PARP11: variants seen among roughly 807,000 people sequenced by gnomAD.
PARP11 encodes the protein poly(ADP-ribose) polymerase family member 11.
A neutral mutation model predicts 42.9 loss-of-function variants in PARP11; 31 were observed. The ratio of observed to expected loss-of-function variants is 0.72; its 90% CI spans 0.54 to 0.98. The LOEUF (loss-of-function observed/expected upper bound fraction) is 0.98. Ranked by LOEUF, PARP11 falls within the 50% of genes least tolerant of loss-of-function variation. PARP11 has a pLI of 0.00. For synonymous variants in PARP11, 137 were observed against 127.3 expected (o/e 1.08, Z -0.51); for missense variants, 365 against 413.1 (o/e 0.88, Z 1.01).
intron 1 of PARP11, among the ~76,000 whole-genome samples, chr12:3,857,718 G>A (rs1591535641): frequency 6.6e-6 from 1 of 151,850 alleles, no homozygotes. Flanking sequence ...TTGTACTAGC[G>A]GCTCATGCTT....
intron 1 of PARP11, chr12:3,863,689 A>T (rs187276473): frequency 3.9e-4 from 59 of 152,380 alleles, no homozygotes; most frequent in African/African-American, 1.4e-3. Context: ...TTCCCGGTGC[A>T]GTCACATGGG....
intron 1 of PARP11, among the ~76,000 whole-genome samples, chr12:3,853,614 G>C (rs1480671592): frequency 6.6e-6 from 1 of 152,164 alleles, no homozygotes; most frequent in Non-Finnish European, 1.5e-5. Flanking sequence ...ACCCAATATA[G>C]GAGCACCCAG....
intron 1 of PARP11, chr12:3,842,138 G>A (rs1205253634): frequency 6.2e-7 from 1 of 1,612,142 alleles, no homozygotes. Flanking sequence ...TTCAAAGTCT[G>A]AAAGAAAAAA....
intron 2 of PARP11, 67 bp from the exon 3 acceptor site, chr12:3,829,097 T>G (rs1456275282): frequency 6.4e-7 from 1 of 1,571,642 alleles, no homozygotes; most frequent in East Asian, 2.2e-5. Context: ...ACAGAGGTGG[T>G]ACTGTGGTCA....
intron 1 of PARP11, among the ~76,000 whole-genome samples, chr12:3,835,239 A>G (rs1341604564): frequency 6.6e-6 from 1 of 152,252 alleles, no homozygotes; most frequent in Admixed American, 6.5e-5. Context: ...ACCTGTGACC[A>G]GTACATAGTC....
In PARP11 at chr12:3,808,910, T is replaced by G. The variant is rs1487421539; in HGVS notation, c.*3213A>C. 7 of 152,210 alleles carry G rather than the reference T, an allele frequency of 4.6e-5. No homozygotes were observed. Among genetic ancestry groups the G allele is most frequent in the African/African-American group, 7.2e-5 (3 of 41,446 alleles). The allele number at this position is 152,210 out of a possible 1,614,324, so 9.4% of individuals were successfully genotyped here. A position where few individuals can be genotyped will look rare whatever the true frequency, so the allele number is the denominator to read the frequency against. The stretch of plus-strand genomic sequence containing the variant: ...ATCACATGTAAAAGCAATACATTCA[T>G]ATATCAAAATTGGCTCCAAATTCTT... On this transcript the variant is annotated 3_prime_UTR_variant, in exon 8 of 8. Coordinates refer to ENST00000228820, the MANE Select transcript of PARP11 (RefSeq NM_020367.6).
intron 1 of PARP11, among the ~76,000 whole-genome samples, chr12:3,846,640 C>T (rs1948004286): frequency 6.6e-6 from 1 of 151,780 alleles, no homozygotes; most frequent in African/African-American, 2.4e-5. Context: ...GCCTGTAGTC[C>T]CAGCTACTCG....
rs1216355404 is a variant in PARP11, at chr12:3,830,614, C to T, written c.19-596G>A. On this transcript the variant is annotated intron_variant, in intron 1 of 7. Coordinates refer to ENST00000228820, the MANE Select transcript of PARP11 (RefSeq NM_020367.6). ...TCTGGATGTATATATAACAATCTAC[C>T]ACCAGTTTTTCTAAGTGTCAGGATA... 2.0e-5 allele frequency among the ~76,000 whole-genome samples: 3 copies of T among 152,062 alleles called. No individual in the cohort carries two copies. In the East Asian group the frequency reaches 5.8e-4, roughly 29 times the overall value.
chr12:3,850,289 A>ATG (rs1948074125), intron 1 of PARP11, among the ~76,000 whole-genome samples: 1 of 152,210 alleles, frequency 6.6e-6, no homozygotes, highest in Non-Finnish European at 1.5e-5. Context: ...CATAATATAT[A>ATG]TAGCATAATT....
At chr12:3,848,661 A>G (rs145376500) in intron 1 of PARP11, among the ~76,000 whole-genome samples, 1,725 of 152,290 alleles carry the variant, frequency 0.011, 26 homozygotes, top group African/African-American at 0.039. Flanking sequence ...ATCAAATCAA[A>G]ATGAATTAAA....
At chr12:3,817,936 C>T (rs919366650) in intron 6 of PARP11, among the ~76,000 whole-genome samples, 1 of 152,106 alleles carries the variant, frequency 6.6e-6, no homozygotes, top group East Asian at 1.9e-4. Flanking sequence ...ATTCCACTGG[C>T]GATTCTGACC....
intron 1 of PARP11, among the ~76,000 whole-genome samples, chr12:3,838,800 A>ACC (rs1947818689): frequency 6.6e-6 from 1 of 151,250 alleles, no homozygotes; most frequent in Non-Finnish European, 1.5e-5. Flanking sequence ...TGGGGAAACG[A>ACC]AAGGCCGCGT....
intron 1 of PARP11, among the ~76,000 whole-genome samples, chr12:3,843,957 T>C (rs1291940854): frequency 2.6e-5 from 4 of 152,198 alleles, no homozygotes; most frequent in Non-Finnish European, 5.9e-5. Context: ...GGTGACTTTC[T>C]TTTTTTGTAA....
chr12:3,836,438 A>C (rs1947763769), intron 1 of PARP11, among the ~76,000 whole-genome samples: 1 of 152,216 alleles, frequency 6.6e-6, no homozygotes, highest in Admixed American at 6.5e-5. Flanking sequence ...AAACTGAGAG[A>C]ATTCACTGCT....
At position 3,814,159 on chromosome 12, in the gene PARP11, C is replaced by T. The variant is rs1441792761; in HGVS notation, c.578G>A (p.Gly193Asp). ...RKKAQLKKKR[G>D]VPQINEQMLF... ...CATTTGTTCATTAATCTGAGGCACACCTCTTTTTTTCTTGAGCTGAGCCTT... is the reference window on the plus strand; with the variant it reads ...CATTTGTTCATTAATCTGAGGCACATCTCTTTTTTTCTTGAGCTGAGCCTT... The change falls in exon 7 of 8, where the codon GGT becomes GAT. Residue 193 changes from glycine (G) to aspartate (D), a missense_variant. Physicochemically the swap from Gly to Asp is moderately conservative, Grantham distance 94 (BLOSUM62 -1). Transcript: ENST00000228820. 4.4e-6 allele frequency: 7 copies of T among 1,603,848 alleles called. No individual in the cohort carries two copies. The South Asian group carries it at 4.5e-5, about 10-fold the overall frequency.
rs773526108 is a variant in PARP11 at position 3,821,855 on chromosome 12, GATT to G, written c.548+15_548+17del. ...GACATAGTGGAAAGGAGAAGTTTCAGATTAGAAATCATCTCACCTGCAAAAGAA... is the reference window on the plus strand; with the variant it reads ...GACATAGTGGAAAGGAGAAGTTTCAGAGAAATCATCTCACCTGCAAAAGAA... On this transcript the variant is annotated intron_variant, in intron 6 of 7. Coordinates refer to ENST00000228820, the MANE Select transcript of PARP11 (RefSeq NM_020367.6). The G allele has an allele frequency of 2.7e-5, 43 of 1,595,904 alleles. No homozygotes were observed. In the Admixed American group the frequency reaches 7.4e-4, roughly 27 times the overall value.
At chr12:3,854,786 C>G (rs988754590) in intron 1 of PARP11, among the ~76,000 whole-genome samples, 2 of 152,170 alleles carry the variant, frequency 1.3e-5, no homozygotes, top group Admixed American at 1.3e-4. Flanking sequence ...TTTATGAGGC[C>G]AGCATCACCC....
chr12:3,815,642 G>A (rs915261742), intron 6 of PARP11, among the ~76,000 whole-genome samples: 1 of 152,020 alleles, frequency 6.6e-6, no homozygotes, highest in Non-Finnish European at 1.5e-5. Flanking sequence ...TGACTCCACC[G>A]ACACCACTGA....
At chr12:3,812,489 T>TA in intron 7 of PARP11, 50 bp from the exon 8 acceptor site, 5 of 1,370,018 alleles carry the variant, frequency 3.6e-6, no homozygotes, top group Non-Finnish European at 5.0e-6. Context: ...AAGAATATAT[T>TA]AAAAACAAGC....
Sources: allele counts gnomAD v4.1 joint callset (sites outside exome capture counted in the v4.1 genomes callset), GRCh38; gene constraint gnomAD v4.1.1; transcripts MANE v1.5; gene names NCBI Gene and HGNC (gene_info 2026-07-23, HGNC 2026-07-21).